The following RXFP1 variants were observed in gnomAD, a reference collection of about 807,000 sequenced individuals.
RXFP1 encodes the protein relaxin family peptide receptor 1.
A neutral mutation model predicts 89.8 loss-of-function variants in RXFP1; 73 were observed. The observed-to-expected ratio is 0.81, with a 90% CI of 0.67 to 0.99. RXFP1 has a LOEUF of 0.99. RXFP1 is among the 50% of genes least tolerant of loss of function. The pLI, the probability that RXFP1 is intolerant of heterozygous loss-of-function variation, is 0.00. For synonymous variants in RXFP1, 277 were observed against 305.5 expected (o/e 0.91, Z 0.97); for missense variants, 793 against 895.5 (o/e 0.89, Z 1.46).
intron 11 of RXFP1, among the ~76,000 whole-genome samples, chr4:158,632,856 G>C (rs1768353852): frequency 6.6e-6 from 1 of 152,138 alleles, no homozygotes; most frequent in South Asian, 2.1e-4. Context: ...GAAATCAAAA[G>C]AATGAGAAAA....
At chr4:158,555,590 C>A (rs562934874) in intron 1 of RXFP1, among the ~76,000 whole-genome samples, 3 of 152,134 alleles carry the variant, frequency 2.0e-5, no homozygotes, top group Admixed American at 2.0e-4. Context: ...ACAGACCCCA[C>A]GAAATGCATA....
In RXFP1 at chr4:158,572,684, C is replaced by T. The variant is rs1432309665; in HGVS notation, c.50-14C>T. 1 of 1,613,830 alleles carries T rather than the reference C, an allele frequency of 6.2e-7. No homozygotes were observed. On this transcript the variant is annotated splice_polypyrimidine_tract_variant and intron_variant, in intron 1 of 17. Transcript: ENST00000307765. ...ACCACCTTCAAACTTTGTGTCTTCT[C>T]CCCTTTTCCTCAGTTTCTCATGGGG...
intron 1 of RXFP1, among the ~76,000 whole-genome samples, chr4:158,553,449 G>A (rs62351161): frequency 6.6e-6 from 1 of 152,164 alleles, no homozygotes; most frequent in Admixed American, 6.5e-5. Flanking sequence ...GGAGAGAGGG[G>A]ATGGAACTGG....
chr4:158,628,336 A>G (rs1433500931), intron 10 of RXFP1, among the ~76,000 whole-genome samples: 2 of 152,276 alleles, frequency 1.3e-5, no homozygotes, highest in Middle Eastern at 3.4e-3. Flanking sequence ...AACAGCTCCT[A>G]TGCTCTTGGT....
At chr4:158,614,477 C>A (rs1051609208) in intron 8 of RXFP1, among the ~76,000 whole-genome samples, 1 of 152,206 alleles carries the variant, frequency 6.6e-6, no homozygotes, top group African/African-American at 2.4e-5. Flanking sequence ...ATTAGTACTT[C>A]CTGCTTCACT....
chr4:158,575,810 A>T (rs930142151), intron 2 of RXFP1, among the ~76,000 whole-genome samples: 1 of 152,192 alleles, frequency 6.6e-6, no homozygotes, highest in African/African-American at 2.4e-5. Flanking sequence ...TGAAATTAGC[A>T]CTCAATAAAT....
chr4:158,651,696 T>C, intron 17 of RXFP1, 61 bp from the exon 18 acceptor site: 1 of 1,314,698 alleles, frequency 7.6e-7, no homozygotes, highest in East Asian at 2.4e-5. Flanking sequence ...ACAGGGAAAT[T>C]GGGTTTCTAT....
chr4:158,554,708 G>A (rs1041500191), intron 1 of RXFP1, among the ~76,000 whole-genome samples: 3 of 151,412 alleles, frequency 2.0e-5, no homozygotes, highest in African/African-American at 2.4e-5. Flanking sequence ...TGAGACTGGG[G>A]GCAATGATGT....
intron 1 of RXFP1, among the ~76,000 whole-genome samples, chr4:158,569,670 A>C (rs942358508): frequency 6.6e-6 from 1 of 152,252 alleles, no homozygotes; most frequent in Admixed American, 6.5e-5. Context: ...CATACCTTTC[A>C]ATTGTTTATG....
chr4:158,622,613 A>G (rs906017368), intron 9 of RXFP1, among the ~76,000 whole-genome samples: 1 of 152,200 alleles, frequency 6.6e-6, no homozygotes, highest in African/African-American at 2.4e-5. Context: ...TAAGCCAGAG[A>G]CAGAAAGAAA....
intron 12 of RXFP1, 145 bp downstream of exon 12, chr4:158,633,621 A>T (rs1768546408): frequency 1.9e-6 from 1 of 531,114 alleles, no homozygotes; most frequent in Non-Finnish European, 3.4e-6. Context: ...AACCACCACC[A>T]CCATCTACCT....
chr4:158,538,958 A>G (rs1745940274), intron 1 of RXFP1, among the ~76,000 whole-genome samples: 1 of 152,232 alleles, frequency 6.6e-6, no homozygotes, highest in Non-Finnish European at 1.5e-5. Flanking sequence ...GAGTACAGAT[A>G]GGCAGGTGAG....
At chr4:158,646,624 T>G (rs1771601359) in intron 15 of RXFP1, 167 bp from the exon 16 acceptor site, 1 of 1,418,750 alleles carries the variant, frequency 7.0e-7, no homozygotes. Flanking sequence ...AGAGAGTCTA[T>G]GAATAGATCC....
intron 1 of RXFP1, among the ~76,000 whole-genome samples, chr4:158,531,201 A>C (rs1743966415): frequency 6.6e-6 from 1 of 152,048 alleles, no homozygotes; most frequent in South Asian, 2.1e-4. Context: ...ATGCCTACCT[A>C]TTTAAAAAAA....
intron 1 of RXFP1, among the ~76,000 whole-genome samples, chr4:158,567,951 C>G (rs140212053): frequency 6.6e-6 from 1 of 152,216 alleles, no homozygotes; most frequent in Non-Finnish European, 1.5e-5. Context: ...CTTGCAGCTG[C>G]TCACGCTTTG....
intron 14 of RXFP1, among the ~76,000 whole-genome samples, chr4:158,640,518 G>A (rs781648101): frequency 6.6e-6 from 1 of 152,156 alleles, no homozygotes; most frequent in Admixed American, 6.5e-5. Context: ...GAGAAAGCCA[G>A]AGAGAGAAGA....
intron 5 of RXFP1, among the ~76,000 whole-genome samples, chr4:158,605,534 A>G (rs1440615274): frequency 6.6e-6 from 1 of 152,206 alleles, no homozygotes; most frequent in African/African-American, 2.4e-5. Context: ...ATTTTCTTCC[A>G]TGTGTTTTCA....
chr4:158,623,406 G>A (rs1408831604), intron 9 of RXFP1, among the ~76,000 whole-genome samples: 3 of 147,136 alleles, frequency 2.0e-5, no homozygotes, highest in Non-Finnish European at 4.5e-5. Flanking sequence ...GGAGGCTGAG[G>A]CAGGAGAATC....
chr4:158,532,513 C>T (rs1250848997), intron 1 of RXFP1, among the ~76,000 whole-genome samples: 1 of 152,118 alleles, frequency 6.6e-6, no homozygotes, highest in African/African-American at 2.4e-5. Flanking sequence ...CATGTGATTT[C>T]GGTGACAGTT....
Sources: allele counts gnomAD v4.1 joint callset (sites outside exome capture counted in the v4.1 genomes callset), GRCh38; gene constraint gnomAD v4.1.1; transcripts MANE v1.5; gene names NCBI Gene and HGNC (gene_info 2026-07-23, HGNC 2026-07-21).